LRRC37A2: variants seen among roughly 807,000 people sequenced by gnomAD.
LRRC37A2 encodes the protein leucine-rich repeat-containing protein 37A2.
In LRRC37A2, 9 loss-of-function variants were observed where a neutral mutation model predicts 68.8. The ratio of observed to expected loss-of-function variants is 0.13; its 90% CI spans 0.08 to 0.23. The LOEUF (loss-of-function observed/expected upper bound fraction) is 0.23. Among genes scored for constraint, LRRC37A2 ranks in the 10% least tolerant of loss-of-function variants. The probability of loss-of-function intolerance (pLI) is 1.00; values close to 1 mark genes in which losing one functional copy is unlikely to be tolerated. For missense variants in LRRC37A2, 168 were observed against 950.4 expected (o/e 0.18, Z 10.82); for synonymous variants, 63 against 367.6 (o/e 0.17, Z 9.48).
chr17:46,792,696 A>G, the LRRC37A2 span, among the ~76,000 whole-genome samples: 6 of 152,208 alleles, frequency 3.9e-5, no homozygotes, highest in East Asian at 9.7e-4. Context: ...CTAGCCTCGA[A>G]CTACTGACCA....
chr17:46,748,683 GAACAC>G, the LRRC37A2 span, among the ~76,000 whole-genome samples: 1 of 152,176 alleles, frequency 6.6e-6, no homozygotes, highest in African/African-American at 2.4e-5. Context: ...ATTGAACTGT[GAACAC>G]ACAGGACTCC....
the LRRC37A2 span, chr17:46,714,050 A>G: frequency 6.6e-6 from 10 of 1,505,544 alleles, no homozygotes; most frequent in South Asian, 2.7e-5. Context: ...GTGCACATAT[A>G]TATGCCTTTG....
chr17:46,916,804 G>A, the LRRC37A2 span: 4 of 152,206 alleles, frequency 2.6e-5, no homozygotes, highest in African/African-American at 9.6e-5. Flanking sequence ...TCTGGAGGTT[G>A]GTAAGTCCAA....
At chr17:46,960,924 CTAAG>C in the LRRC37A2 span, among the ~76,000 whole-genome samples, 15 of 152,122 alleles carry the variant, frequency 9.9e-5, no homozygotes, top group African/African-American at 3.6e-4. Context: ...TGACACAACT[CTAAG>C]TATTTGTCAA....
At chr17:46,767,047 T>C in the LRRC37A2 span, among the ~76,000 whole-genome samples, 4 of 152,054 alleles carry the variant, frequency 2.6e-5, no homozygotes, top group Non-Finnish European at 4.4e-5. Context: ...CCCATGCTCA[T>C]GCCTCGACAC....
At chr17:46,744,013 G>A in the LRRC37A2 span, among the ~76,000 whole-genome samples, 5 of 152,062 alleles carry the variant, frequency 3.3e-5, no homozygotes, top group Admixed American at 6.6e-5. Context: ...CCTTGCCAGT[G>A]CCTACTTGTT....
At chr17:46,884,450 G>A in the LRRC37A2 span, among the ~76,000 whole-genome samples, 5 of 151,976 alleles carry the variant, frequency 3.3e-5, no homozygotes, top group African/African-American at 1.2e-4. Flanking sequence ...CTCAAGCTCT[G>A]CTTCTCATGT....
chr17:46,789,361 G>A, the LRRC37A2 span, among the ~76,000 whole-genome samples: 16,016 of 152,202 alleles, frequency 0.11, 974 homozygotes, highest in African/African-American at 0.16. Flanking sequence ...TATACACTAC[G>A]GCAGATCACT....
At chr17:46,867,335 T>C in the LRRC37A2 span, among the ~76,000 whole-genome samples, 2 of 152,230 alleles carry the variant, frequency 1.3e-5, no homozygotes, top group Non-Finnish European at 2.9e-5. Context: ...GTAGCACAAC[T>C]AGGAAGAGGT....
At chr17:46,829,417 G>A in the LRRC37A2 span, among the ~76,000 whole-genome samples, 3 of 152,146 alleles carry the variant, frequency 2.0e-5, no homozygotes, top group East Asian at 1.9e-4. Flanking sequence ...TGATCTACCC[G>A]CCTCAGCCTC....
the LRRC37A2 span, chr17:46,939,295 C>CT: frequency 9.8e-7 from 1 of 1,015,626 alleles, no homozygotes; most frequent in African/African-American, 1.7e-5. Flanking sequence ...AGATGACTGA[C>CT]TGCCAATACT....
chr17:46,926,618 A>T, the LRRC37A2 span, among the ~76,000 whole-genome samples: 75 of 152,218 alleles, frequency 4.9e-4, 1 homozygote, highest in African/African-American at 1.8e-3. Context: ...TTTCTTATGG[A>T]CTTCCAGTGT....
chr17:46,543,322 C>G lies in LRRC37A2; in HGVS notation c.3053+2441C>G, dbSNP rs2055735007. Among the ~76,000 whole-genome samples, 3 of 150,456 alleles carry G rather than the reference C, an allele frequency of 2.0e-5. No homozygotes were observed. In the South Asian group the frequency reaches 6.2e-4, roughly 31 times the overall value. Reference sequence around the variant, plus strand: ...ATTGAAAAATTATTCTCAAGTATACCTCAGGTCATTTACAGTCTCAAAGAT... The same window carrying G: ...ATTGAAAAATTATTCTCAAGTATACGTCAGGTCATTTACAGTCTCAAAGAT... On this transcript the variant is annotated intron_variant, in intron 8 of 14. Transcript: ENST00000576629.
the LRRC37A2 span, among the ~76,000 whole-genome samples, chr17:46,989,034 C>T: frequency 6.6e-6 from 1 of 152,228 alleles, no homozygotes; most frequent in Non-Finnish European, 1.5e-5. Flanking sequence ...GAGTGTTTCA[C>T]TCTGTCCCTC....
the LRRC37A2 span, chr17:46,932,110 G>A: frequency 1.9e-6 from 3 of 1,613,634 alleles, no homozygotes; most frequent in Admixed American, 1.7e-5. Flanking sequence ...CCTGCAGACT[G>A]CGCTCAGAAA....
At chr17:46,440,400 T>A in the LRRC37A2 span, among the ~76,000 whole-genome samples, 6 of 80,228 alleles carry the variant, frequency 7.5e-5, 1 homozygote, top group African/African-American at 2.1e-4. Context: ...TTATTTTATT[T>A]TTTTTTTTTT....
At chr17:46,801,328 T>C in the LRRC37A2 span, among the ~76,000 whole-genome samples, 1 of 152,116 alleles carries the variant, frequency 6.6e-6, no homozygotes, top group Non-Finnish European at 1.5e-5. Flanking sequence ...CGTTTAAAAA[T>C]GACCAAAGTG....
At chr17:46,786,028 G>A in the LRRC37A2 span, among the ~76,000 whole-genome samples, 1 of 152,182 alleles carries the variant, frequency 6.6e-6, no homozygotes, top group Non-Finnish European at 1.5e-5. Context: ...GTTGTGTTGT[G>A]AGCATGAAGT....
the LRRC37A2 span, among the ~76,000 whole-genome samples, chr17:46,811,418 G>A: frequency 6.6e-6 from 1 of 152,192 alleles, no homozygotes; most frequent in Non-Finnish European, 1.5e-5. Context: ...TGACATGAGG[G>A]TATGGGGCCG....
Sources: allele counts gnomAD v4.1 joint callset (sites outside exome capture counted in the v4.1 genomes callset), GRCh38; gene constraint gnomAD v4.1.1; transcripts MANE v1.5; gene names NCBI Gene and HGNC (gene_info 2026-07-23, HGNC 2026-07-21).